Variants in ARB2A observed in about 807,000 individuals in gnomAD.
ARB2A encodes the protein ARB2 cotranscriptional regulator A.
chr5:93,971,767 G>T, the ARB2A span, among the ~76,000 whole-genome samples: 1 of 152,016 alleles, frequency 6.6e-6, no homozygotes, highest in African/African-American at 2.4e-5. Flanking sequence ...TGAATAATTG[G>T]TTGGATTCCT....
the ARB2A span, among the ~76,000 whole-genome samples, chr5:93,715,210 C>G: frequency 1.2e-4 from 18 of 152,026 alleles, no homozygotes; most frequent in Non-Finnish European, 1.5e-4. Context: ...AAAGTACAAA[C>G]GTGAGGACAG....
the ARB2A span, among the ~76,000 whole-genome samples, chr5:94,089,490 C>T: frequency 3.4e-4 from 52 of 152,102 alleles, no homozygotes; most frequent in Non-Finnish European, 4.6e-4. Context: ...TAAATTCGGA[C>T]AGCTTTTTAA....
At chr5:93,728,594 G>C in the ARB2A span, among the ~76,000 whole-genome samples, 10 of 151,610 alleles carry the variant, frequency 6.6e-5, no homozygotes, top group Non-Finnish European at 1.3e-4. Context: ...ATAAGAACAG[G>C]CCAGTGGATC....
the ARB2A span, among the ~76,000 whole-genome samples, chr5:93,851,285 C>T: frequency 2.6e-5 from 4 of 152,044 alleles, no homozygotes; most frequent in Admixed American, 2.0e-4. Context: ...TGGCCTCCTG[C>T]CTATTTGCAT....
chr5:93,917,388 A>C, the ARB2A span, among the ~76,000 whole-genome samples: 1 of 152,164 alleles, frequency 6.6e-6, no homozygotes, highest in East Asian at 1.9e-4. Context: ...GACAAAGGAG[A>C]AACTAGAAGC....
chr5:94,110,324 C>T, the ARB2A span, among the ~76,000 whole-genome samples: 1 of 152,306 alleles, frequency 6.6e-6, no homozygotes, highest in East Asian at 1.9e-4. Context: ...GAACACTATC[C>T]GGCACACTGA....
the ARB2A span, among the ~76,000 whole-genome samples, chr5:93,753,678 T>A: frequency 9.9e-5 from 15 of 152,222 alleles, no homozygotes; most frequent in Non-Finnish European, 2.2e-4. Context: ...CTGTATTCTG[T>A]TATCTTTCTA....
chr5:93,941,643 T>C, the ARB2A span, among the ~76,000 whole-genome samples: 1 of 152,154 alleles, frequency 6.6e-6, no homozygotes, highest in Admixed American at 6.6e-5. Flanking sequence ...ATGCATGTCA[T>C]TGAAAAATAC....
the ARB2A span, chr5:93,865,836 G>A: frequency 1.0e-6 from 1 of 985,246 alleles, no homozygotes; most frequent in Non-Finnish European, 1.2e-6. Flanking sequence ...GTAGGCAGGT[G>A]ATATTTATAC....
the ARB2A span, among the ~76,000 whole-genome samples, chr5:93,730,364 T>C: frequency 1.3e-5 from 2 of 151,806 alleles, no homozygotes; most frequent in African/African-American, 4.8e-5. Flanking sequence ...ATGGGGAGTC[T>C]TTTTTTTCCC....
the ARB2A span, among the ~76,000 whole-genome samples, chr5:94,038,821 A>C: frequency 6.6e-6 from 1 of 151,970 alleles, no homozygotes; most frequent in Non-Finnish European, 1.5e-5. Context: ...AAAAAAAAAA[A>C]AACAGAAGGG....
the ARB2A span, among the ~76,000 whole-genome samples, chr5:93,879,344 GA>G: frequency 2.0e-5 from 3 of 151,852 alleles, no homozygotes; most frequent in Admixed American, 1.3e-4. Context: ...TGTTTACTAA[GA>G]AAAAACATTT....
the ARB2A span, among the ~76,000 whole-genome samples, chr5:93,778,002 T>C: frequency 1.6e-4 from 24 of 152,100 alleles, no homozygotes; most frequent in Non-Finnish European, 2.8e-4. Context: ...AGTAGATCAA[T>C]GAAACTATTG....
chr5:93,673,433 A>T, the ARB2A span, among the ~76,000 whole-genome samples: 43 of 151,734 alleles, frequency 2.8e-4, no homozygotes, highest in Middle Eastern at 6.8e-3. Context: ...GTGTCAAATT[A>T]GCACTGATGA....
the ARB2A span, among the ~76,000 whole-genome samples, chr5:93,937,697 T>TCAATATCCATGGGGAATTGTTTCCATGAC: frequency 6.6e-6 from 1 of 152,164 alleles, no homozygotes; most frequent in East Asian, 1.9e-4. Flanking sequence ...CAGTTATCCC[T>TCAATATCCATGGGGAATTGTTTCCATGAC]CAATATCCAT....
the ARB2A span, among the ~76,000 whole-genome samples, chr5:93,655,185 T>C: frequency 4.6e-5 from 7 of 152,242 alleles, no homozygotes; most frequent in African/African-American, 1.7e-4. Context: ...AAGCACCATC[T>C]AAATGGAAAT....
At chr5:93,863,613 C>T in the ARB2A span, 24 of 151,896 alleles carry the variant, frequency 1.6e-4, no homozygotes, top group Non-Finnish European at 3.1e-4. Context: ...TGAGTGTCCC[C>T]TGAACTACAG....
chr5:93,851,665 C>G, the ARB2A span, among the ~76,000 whole-genome samples: 1 of 152,144 alleles, frequency 6.6e-6, no homozygotes, highest in African/African-American at 2.4e-5. Flanking sequence ...CATGTGTTCT[C>G]ACTGTTCAAT....
chr5:94,061,512 A>G, the ARB2A span, among the ~76,000 whole-genome samples: 22 of 152,220 alleles, frequency 1.4e-4, no homozygotes, highest in African/African-American at 5.3e-4. Flanking sequence ...AACATTATCC[A>G]ATTTGCAAAT....
Sources: allele counts gnomAD v4.1 joint callset (sites outside exome capture counted in the v4.1 genomes callset), GRCh38; gene constraint gnomAD v4.1.1; transcripts MANE v1.5; gene names NCBI Gene and HGNC (gene_info 2026-07-23, HGNC 2026-07-21).